Variants in KAZN observed in about 807,000 individuals in gnomAD.
KAZN encodes the protein kazrin, periplakin interacting protein.
Under a neutral mutation model 87.4 loss-of-function variants are expected in KAZN, and 40 were observed. The observed-to-expected ratio is 0.46, with a 90% CI of 0.36 to 0.60. The LOEUF (loss-of-function observed/expected upper bound fraction) is 0.60, where lower values mean the gene tolerates loss of function less well. Ranked by LOEUF, KAZN falls within the 20% of genes least tolerant of loss-of-function variation. KAZN has a pLI of 0.00. For synonymous variants in KAZN, 466 were observed against 458.3 expected, an observed-to-expected ratio of 1.02 and a Z score of -0.22; for missense variants, 898 against 1,073.9, an observed-to-expected ratio of 0.84 and a Z score of 2.29.
chr1:14,280,370 C>CAAAAAA (rs1162522967), intron 2 of KAZN, among the ~76,000 whole-genome samples: 1 of 36,824 alleles, frequency 2.7e-5, no homozygotes, highest in Non-Finnish European at 4.3e-5. Context: ...GACTCCATCT[C>CAAAAAA]AAAAAAAAAA....
intron 1 of KAZN, among the ~76,000 whole-genome samples, chr1:14,957,193 A>G (rs1457857284): frequency 2.6e-5 from 4 of 152,148 alleles, no homozygotes; most frequent in Non-Finnish European, 4.4e-5. Context: ...TGGCCCCAAA[A>G]GCAAACCTCC....
chr1:14,075,297 C>T (rs1643407845), intron 1 of KAZN, among the ~76,000 whole-genome samples: 2 of 152,252 alleles, frequency 1.3e-5, no homozygotes, highest in African/African-American at 4.8e-5. Context: ...TAAGTTAAAG[C>T]AACTGCAGCG....
intron 1 of KAZN, among the ~76,000 whole-genome samples, chr1:14,906,675 G>A (rs1656615495): frequency 6.6e-6 from 1 of 151,260 alleles, no homozygotes; most frequent in African/African-American, 2.4e-5. Flanking sequence ...TTAGTTTCAG[G>A]ATTAAAAAAT....
chr1:14,382,223 A>C (rs10927416), intron 2 of KAZN, among the ~76,000 whole-genome samples: 3,718 of 152,318 alleles, frequency 0.024, 163 homozygotes, highest in African/African-American at 0.086. Flanking sequence ...TATTGCTTAA[A>C]TGTCCATACT....
intron 11 of KAZN, among the ~76,000 whole-genome samples, chr1:15,102,227 TTAAG>T (rs1194064314): frequency 2.6e-5 from 4 of 152,008 alleles, no homozygotes; most frequent in South Asian, 2.1e-4. Context: ...ATAAAAATTT[TTAAG>T]TGTTTGCTAT....
intron 2 of KAZN, among the ~76,000 whole-genome samples, chr1:14,579,967 A>G (rs950699087): frequency 1.3e-5 from 2 of 152,076 alleles, no homozygotes; most frequent in African/African-American, 4.8e-5. Context: ...ACCTTTTGCC[A>G]AGTGGGAGGG....
chr1:14,172,255 A>G (rs748190159), intron 1 of KAZN, among the ~76,000 whole-genome samples: 7 of 152,260 alleles, frequency 4.6e-5, no homozygotes, highest in African/African-American at 1.2e-4. Context: ...TTTTAAGAAC[A>G]GCACTGTTTA....
At chr1:14,483,070 G>GAC (rs1278245745) in intron 2 of KAZN, among the ~76,000 whole-genome samples, 23 of 152,154 alleles carry the variant, frequency 1.5e-4, no homozygotes, top group African/African-American at 5.3e-4. Context: ...CATGCTGACT[G>GAC]ACACACACTG....
intron 1 of KAZN, among the ~76,000 whole-genome samples, chr1:14,787,564 A>G (rs1212074933): frequency 6.6e-6 from 1 of 152,228 alleles, no homozygotes; most frequent in African/African-American, 2.4e-5. Context: ...TGCATAGTGA[A>G]TTACCTGGAA....
intron 2 of KAZN, among the ~76,000 whole-genome samples, chr1:14,444,099 A>G (rs1666843908): frequency 6.6e-6 from 1 of 152,142 alleles, no homozygotes; most frequent in African/African-American, 2.4e-5. Flanking sequence ...AGTTTTCTTT[A>G]ATAGACTTCA....
At chr1:15,028,137 T>A (rs537846866) in intron 2 of KAZN, among the ~76,000 whole-genome samples, 1 of 152,216 alleles carries the variant, frequency 6.6e-6, no homozygotes, top group African/African-American at 2.4e-5. Flanking sequence ...GGTTACACCC[T>A]GGTCTCAGGC....
intron 1 of KAZN, among the ~76,000 whole-genome samples, chr1:14,935,094 C>G (rs1406556501): frequency 6.6e-6 from 1 of 152,176 alleles, no homozygotes; most frequent in African/African-American, 2.4e-5. Flanking sequence ...GGTGCACCAG[C>G]GGCTGACCAA....
intron 1 of KAZN, among the ~76,000 whole-genome samples, chr1:14,733,245 C>A (rs1208245724): frequency 6.6e-6 from 1 of 152,138 alleles, no homozygotes; most frequent in Non-Finnish European, 1.5e-5. Context: ...ATGTTCCCGG[C>A]AGCCTGTGCT....
chr1:14,889,204 C>G (rs1433981048), intron 1 of KAZN, among the ~76,000 whole-genome samples: 2 of 152,256 alleles, frequency 1.3e-5, no homozygotes, highest in South Asian at 4.1e-4. Flanking sequence ...GTCACAAGCC[C>G]ACATCTGCCA....
chr1:14,596,159 G>A (rs1676495567), upstream of KAZN, among the ~76,000 whole-genome samples: 2 of 152,164 alleles, frequency 1.3e-5, no homozygotes, highest in African/African-American at 4.8e-5. Flanking sequence ...CGGCAAGGAC[G>A]CAAAGATGAA....
At chr1:13,936,685 T>C (rs1640755339) in intron 1 of KAZN, among the ~76,000 whole-genome samples, 1 of 152,212 alleles carries the variant, frequency 6.6e-6, no homozygotes, top group Admixed American at 6.5e-5. Context: ...TCTATTCTTG[T>C]TGCTGCAAAA....
chr1:14,575,461 C>G (rs879153257), intron 2 of KAZN, among the ~76,000 whole-genome samples: 1 of 152,056 alleles, frequency 6.6e-6, no homozygotes, highest in African/African-American at 2.4e-5. Context: ...ACCATGAGAA[C>G]AGTATGGGGG....
At chr1:13,993,940 GA>G (rs1639397852) in intron 1 of KAZN, among the ~76,000 whole-genome samples, 1 of 152,176 alleles carries the variant, frequency 6.6e-6, no homozygotes, top group South Asian at 2.1e-4. Context: ...TTAAAATTGG[GA>G]GCCATTTTGT....
At chr1:14,688,763 T>C (rs1046796816) in intron 1 of KAZN, among the ~76,000 whole-genome samples, 2 of 152,268 alleles carry the variant, frequency 1.3e-5, no homozygotes, top group African/African-American at 4.8e-5. Context: ...TGCTGTCTTT[T>C]AATTCACGGA....
Sources: allele counts gnomAD v4.1 joint callset (sites outside exome capture counted in the v4.1 genomes callset), GRCh38; gene constraint gnomAD v4.1.1; transcripts MANE v1.5; gene names NCBI Gene and HGNC (gene_info 2026-07-23, HGNC 2026-07-21).